RTP5: variants seen among roughly 807,000 people sequenced by gnomAD.
RTP5 encodes receptor-transporting protein 5.
In RTP5, 30 loss-of-function variants were observed where a neutral mutation model predicts 23.5. The ratio of observed to expected loss-of-function variants is 1.27; its 90% CI spans 0.95 to 1.73. RTP5 has a LOEUF of 1.73. Among genes scored for constraint, RTP5 ranks in the 40% most tolerant of loss-of-function variants. The pLI is 0.00. For synonymous variants in RTP5, 354 were observed against 342.1 expected, an observed-to-expected ratio of 1.03 and a Z score of -0.38; for missense variants, 807 against 784.2, an observed-to-expected ratio of 1.03 and a Z score of -0.35.
chr2:241,870,707 A>G (rs1420704981), intron 1 of RTP5, among the ~76,000 whole-genome samples: 2 of 152,250 alleles, frequency 1.3e-5, no homozygotes, highest in African/African-American at 4.8e-5. Context: ...TGGGAAGCAC[A>G]TCACTGTTCC....
rs539511158 is a variant in RTP5 at position 241,870,859 on chromosome 2, G to A, written c.159-855G>A. 45 of 454,146 alleles carry A rather than the reference G, an allele frequency of 9.9e-5. 1 individual carries two copies. In the East Asian group the frequency reaches 3.0e-3, roughly 31 times the overall value. The allele number at this position is 454,146 out of a possible 1,614,324, so 28.1% of individuals were successfully genotyped here. On this transcript the variant is annotated intron_variant, in intron 1 of 1. Coordinates refer to ENST00000343216, the MANE Select transcript of RTP5 (RefSeq NM_173821.3). Reference sequence around the variant, plus strand: ...TAAAGTCAGCAGTTCAGTTCCTCCAGCACGAACGTGTCCACGGGCTCTGTG... The same window carrying A: ...TAAAGTCAGCAGTTCAGTTCCTCCAACACGAACGTGTCCACGGGCTCTGTG...
At position 241,872,605 on chromosome 2, in the gene RTP5, C is replaced by T. The variant is rs773537397; in HGVS notation, c.1050C>T (p.Thr350=). The T allele has an allele frequency of 4.5e-6, 7 of 1,540,268 alleles. No individual in the cohort carries two copies. The highest frequency in any genetic ancestry group is 6.1e-6 in the Non-Finnish European group (7 of 1,145,142). ...CCTCCTCCCTCACCAGCATCTTCAC[C>T]AACACCCTCTCGGAGCCCACCGATG... is the stretch of plus-strand genomic sequence containing the variant. ...TFPSSLTSIF[T]NTLSEPTDGP... Residue 350 remains threonine, a synonymous_variant, in exon 2 of 2, where the codon ACC becomes ACT. Transcript: ENST00000343216.
chr2:241,873,385 T>A lies in RTP5; in HGVS notation c.*111T>A. ...CCGCCTCCGAGACCCCGCCTCCACCTCCGAGACCCCTTTCTCTGAGACCCC... is the reference window on the plus strand; with the variant it reads ...CCGCCTCCGAGACCCCGCCTCCACCACCGAGACCCCTTTCTCTGAGACCCC... On this transcript the variant is annotated 3_prime_UTR_variant, in exon 2 of 2. Coordinates refer to ENST00000343216, the MANE Select transcript of RTP5 (RefSeq NM_173821.3). The A allele has an allele frequency of 1.2e-6, 1 of 861,662 alleles. No homozygotes were observed. The highest frequency in any genetic ancestry group is 1.4e-6 in the Non-Finnish European group (1 of 713,948). 53.4% of individuals were successfully genotyped at this position (861,662 alleles called of 1,614,324 possible).
Position 241,872,045 on chromosome 2 carries a change from G to A in RTP5, c.490G>A (p.Ala164Thr), listed in dbSNP as rs768854977. 36 of 1,563,046 alleles carry A rather than the reference G, an allele frequency of 2.3e-5. No individual in the cohort carries two copies. The highest frequency in any genetic ancestry group is 1.3e-4 in the Admixed American group (7 of 54,850). ...LQKAPDPAWS[A>T]NATKGNFPAT... ...GAAGGCCCCAGACCCCGCCTGGAGC[G>A]CCAACGCCACAAAAGGCAACTTCCC... Residue 164 changes from alanine (A) to threonine (T), a missense_variant, in exon 2 of 2, where the codon GCC becomes ACC. Transcript: ENST00000343216.
rs778251551 is a variant in RTP5, at chr2:241,872,306, G to A, written c.751G>A (p.Asp251Asn). 2.5e-6 allele frequency: 4 copies of A among 1,603,622 alleles called. No individual in the cohort carries two copies. In the South Asian group the frequency reaches 4.4e-5, roughly 18 times the overall value. The change falls in exon 2 of 2, where the codon GAT becomes AAT. Residue 251 changes from aspartate (D) to asparagine (N), a missense_variant. Transcript: ENST00000343216. ...CCAGGGCTCCATCTTCCTGTCTGGG[G>A]ATTCAGTGGCCATGCCTGGGGGCAA... ...IGQGSIFLSG[D>N]SVAMPGGKGF...
At position 241,872,033 on chromosome 2, in the gene RTP5, C is replaced by T; in HGVS notation, c.478C>T (p.Pro160Ser). ...GVCFLQKAPD[P>S]AWSANATKGN... Reference sequence around the variant, plus strand: ...CTGCTTCCTCCAGAAGGCCCCAGACCCCGCCTGGAGCGCCAACGCCACAAA... The same window carrying T: ...CTGCTTCCTCCAGAAGGCCCCAGACTCCGCCTGGAGCGCCAACGCCACAAA... The change falls in exon 2 of 2, where the codon CCC becomes TCC. Residue 160 changes from proline (P) to serine (S), a missense_variant. By Grantham distance (74) the Pro-to-Ser change is moderately conservative (BLOSUM62 -1). Coordinates refer to ENST00000343216, the MANE Select transcript of RTP5 (RefSeq NM_173821.3). The T allele has an allele frequency of 1.9e-6, 3 of 1,566,386 alleles. No individual in the cohort carries two copies. The highest frequency in any genetic ancestry group is 2.3e-5 in the South Asian group (2 of 86,910).
Position 241,872,161 on chromosome 2 carries a change from C to T in RTP5, c.606C>T (p.Ile202=), listed in dbSNP as rs1408607156. The change falls in exon 2 of 2, where the codon ATC becomes ATT. Residue 202 remains isoleucine (I), a synonymous_variant. Transcript: ENST00000343216. ...ACCTTGGCAAGGGTGGCGTTGTCAT[C>T]GCCATCCCCTTCTCCCTTGTGGGTA... ...GDDLGKGGVV[I]AIPFSLVGTS... 1.4e-5 allele frequency: 23 copies of T among 1,611,878 alleles called. 1 individual carries two copies. Among genetic ancestry groups the T allele is most frequent in the African/African-American group, 6.7e-5 (5 of 74,926 alleles).
chr2:241,869,943 G>T, intron 1 of RTP5, 29 bp downstream of exon 1: 1 of 1,460,416 alleles, frequency 6.8e-7, no homozygotes, highest in Non-Finnish European at 9.0e-7. Flanking sequence ...GACCCTGGGA[G>T]AGGCAGGGGG....
chr2:241,872,721 G>C lies in RTP5; in HGVS notation c.1166G>C (p.Gly389Ala). The C allele has an allele frequency of 6.9e-6, 11 of 1,597,964 alleles. No individual in the cohort carries two copies. The highest frequency in any genetic ancestry group is 9.4e-6 in the Non-Finnish European group (11 of 1,171,754). Residue 389 changes from glycine (G) to alanine (A), a missense_variant, in exon 2 of 2, where the codon GGG becomes GCG. Coordinates refer to ENST00000343216, the MANE Select transcript of RTP5 (RefSeq NM_173821.3). ...DAVAEVAEGNGKEGGGQGLVP... is the reference protein window; with the variant it reads ...DAVAEVAEGNAKEGGGQGLVP... Reference sequence around the variant, plus strand: ...GTTGCTGAGGTGGCTGAAGGCAACGGGAAGGAAGGAGGCGGCCAGGGCCTC... The same window carrying C: ...GTTGCTGAGGTGGCTGAAGGCAACGCGAAGGAAGGAGGCGGCCAGGGCCTC...
chr2:241,872,553 C>T lies in RTP5; in HGVS notation c.998C>T (p.Ala333Val), dbSNP rs201603032. The T allele has an allele frequency of 6.7e-4, 1,035 of 1,550,152 alleles. 3 individuals carry two copies. In the African/African-American group the frequency reaches 0.013, roughly 19 times the overall value. The change falls in exon 2 of 2, where the codon GCC becomes GTC. Residue 333 changes from alanine (A) to valine (V), a missense_variant. Coordinates refer to ENST00000343216, the MANE Select transcript of RTP5 (RefSeq NM_173821.3). ...PTVFYCVGLS[A>V]SGEGSLTFPS... The stretch of plus-strand genomic sequence containing the variant: ...GTGTTCTACTGTGTGGGCCTCTCGG[C>T]CAGCGGGGAGGGCTCCCTCACCTTC...
Position 241,872,341 on chromosome 2 carries a change from G to A in RTP5, c.786G>A (p.Pro262=), listed in dbSNP as rs756158746. ...CCATGCCTGGGGGCAAAGGCTTCCC[G>A]GTGGCCATTGGAGACCCCCTCTTCC... is the stretch of plus-strand genomic sequence containing the variant. ...SVAMPGGKGF[P]VAIGDPLFHG... Residue 262 remains proline, a synonymous_variant, in exon 2 of 2, where the codon CCG becomes CCA. Transcript: ENST00000343216. 84 of 1,610,278 alleles carry A rather than the reference G, an allele frequency of 5.2e-5. 2 individuals carry two copies. The highest frequency in any genetic ancestry group is 5.0e-4 in the South Asian group (45 of 90,802).
rs527541127 is a variant in RTP5, at chr2:241,870,033, G to A, written c.158+119G>A. 103 of 1,027,138 alleles carry A rather than the reference G, an allele frequency of 1.0e-4. 1 individual carries two copies. Among genetic ancestry groups the A allele is most frequent in the African/African-American group, 5.6e-4 (33 of 58,846 alleles). The allele number at this position is 1,027,138 out of a possible 1,614,324, so 63.6% of individuals were successfully genotyped here. A position where few individuals can be genotyped will look rare whatever the true frequency, so the allele number is the denominator to read the frequency against. On this transcript the variant is annotated intron_variant, in intron 1 of 1. Coordinates refer to ENST00000343216, the MANE Select transcript of RTP5 (RefSeq NM_173821.3). ...TTGGGCCTCGTCTTGTCCCCGAGAC[G>A]GGAGGGTGGGGCTGGGTGCTCCTTC... is the stretch of plus-strand genomic sequence containing the variant.
At chr2:241,870,680 T>C (rs1001248801) in intron 1 of RTP5, among the ~76,000 whole-genome samples, 1 of 152,232 alleles carries the variant, frequency 6.6e-6, no homozygotes, top group African/African-American at 2.4e-5. Context: ...TAACCCGTGT[T>C]GGGGTCTGAG....
chr2:241,870,541 C>T (rs148537529), intron 1 of RTP5, among the ~76,000 whole-genome samples: 2,563 of 152,356 alleles, frequency 0.017, 44 homozygotes, highest in South Asian at 0.025. Context: ...CTGGCTGGTC[C>T]GTCCCTCTGT....
chr2:241,872,709 C>T lies in RTP5; in HGVS notation c.1154C>T (p.Ala385Val). 1 of 1,600,630 alleles carries T rather than the reference C, an allele frequency of 6.2e-7. No homozygotes were observed. Among genetic ancestry groups the T allele is most frequent in the South Asian group, 1.1e-5 (1 of 89,624 alleles). ...TDVKDAVAEVAEGNGKEGGGQ... is the reference protein window; with the variant it reads ...TDVKDAVAEVVEGNGKEGGGQ... ...GTCAAGGATGCCGTTGCTGAGGTGG[C>T]TGAAGGCAACGGGAAGGAAGGAGGC... The change falls in exon 2 of 2, where the codon GCT becomes GTT. Residue 385 changes from alanine (A) to valine (V), a missense_variant. Ala to Val is a moderately conservative substitution (Grantham distance 64, BLOSUM62 0). Transcript: ENST00000343216.
Position 241,872,432 on chromosome 2 carries a change from CG to C in RTP5, c.881del (p.Gly294AlafsTer189). 6.2e-7 allele frequency: 1 copy of C among 1,610,598 alleles called. No homozygotes were observed. Among genetic ancestry groups the C allele is most frequent in the Non-Finnish European group, 8.5e-7 (1 of 1,179,216 alleles). On this transcript the variant is annotated frameshift_variant, in exon 2 of 2. Transcript: ENST00000343216. LOFTEE classifies it high-confidence loss of function. ...GCTCAAGGGCTTCCTCTTCAAAGGC[CG>C]GGGCTCCCTCTGCAGCCCGGTTGGC... ...FELKGFLFKG[R>X]GSLCSPVGVA...
rs781021408 is a variant in RTP5, at chr2:241,873,019, C to T, written c.1464C>T (p.Gly488=). 9 of 1,613,152 alleles carry T rather than the reference C, an allele frequency of 5.6e-6. No homozygotes were observed. The South Asian group carries it at 9.9e-5, about 18-fold the overall frequency. ...ATGTCATAAAGCGCAAGGGCGGTGGCCACGTTGCCTACGGCCCCCAGGGCA... is the reference window on the plus strand; with the variant it reads ...ATGTCATAAAGCGCAAGGGCGGTGGTCACGTTGCCTACGGCCCCCAGGGCA... ...VFDVIKRKGG[G]HVAYGPQGNG... The change falls in exon 2 of 2, where the codon GGC becomes GGT. Residue 488 remains glycine, a synonymous_variant. Coordinates refer to ENST00000343216, the MANE Select transcript of RTP5 (RefSeq NM_173821.3).
At position 241,872,060 on chromosome 2, in the gene RTP5, G is replaced by C; in HGVS notation, c.505G>C (p.Gly169Arg). 6.4e-7 allele frequency: 1 copy of C among 1,569,974 alleles called. No homozygotes were observed. Among genetic ancestry groups the C allele is most frequent in the Non-Finnish European group, 8.7e-7 (1 of 1,153,026 alleles). Residue 169 changes from glycine (G) to arginine (R), a missense_variant, in exon 2 of 2, where the codon GGC becomes CGC. Gly to Arg is a moderately radical substitution (Grantham distance 125). Coordinates refer to ENST00000343216, the MANE Select transcript of RTP5 (RefSeq NM_173821.3). Reference sequence around the variant, plus strand: ...CGCCTGGAGCGCCAACGCCACAAAAGGCAACTTCCCCGCCACGGCCTGGGG... The same window carrying C: ...CGCCTGGAGCGCCAACGCCACAAAACGCAACTTCCCCGCCACGGCCTGGGG... ...DPAWSANATK[G>R]NFPATAWGGT...
intron 1 of RTP5, chr2:241,871,029 A>G: frequency 2.1e-6 from 1 of 470,958 alleles, no homozygotes; most frequent in Non-Finnish European, 4.4e-6. Flanking sequence ...TGGCTAGCAA[A>G]TGGTCACCGG....
Sources: allele counts gnomAD v4.1 joint callset (sites outside exome capture counted in the v4.1 genomes callset), GRCh38; gene constraint gnomAD v4.1.1; transcripts MANE v1.5; gene names NCBI Gene and HGNC (gene_info 2026-07-23, HGNC 2026-07-21).